DAP3: variants seen among roughly 807,000 people sequenced by gnomAD.
The protein encoded by DAP3 is death associated protein 3, also known as small ribosomal subunit protein mS29.
Under a neutral mutation model 51.9 loss-of-function variants are expected in DAP3, and 28 were observed. The observed-to-expected ratio is 0.54, with a 90% CI of 0.40 to 0.74. DAP3 has a LOEUF of 0.74. DAP3 is among the 30% of genes least tolerant of loss of function. The pLI, the probability that DAP3 is intolerant of heterozygous loss-of-function variation, is 0.00. For synonymous variants in DAP3, 170 were observed against 170.3 expected, an observed-to-expected ratio of 1.00 and a Z score of 0.01; for missense variants, 458 against 483.5, an observed-to-expected ratio of 0.95 and a Z score of 0.49.
Position 155,736,960 on chromosome 1 carries a change from C to G in DAP3, c.1008C>G (p.Ala336=). Reference sequence around the variant, plus strand: ...TTCTTCCCCAGGAAGGATTTGATGCCCTGGATCCCTTTATTCCCATCCTGG... The same window carrying G: ...TTCTTCCCCAGGAAGGATTTGATGCGCTGGATCCCTTTATTCCCATCCTGG... ...QELLGKEGFD[A]LDPFIPILVS... Residue 336 remains alanine (A), a synonymous_variant, in exon 12 of 13, where the codon GCC becomes GCG. Transcript: ENST00000368336. The G allele has an allele frequency of 6.2e-7, 1 of 1,613,634 alleles. No homozygotes were observed. The highest frequency in any genetic ancestry group is 8.5e-7 in the Non-Finnish European group (1 of 1,179,616).
intron 10 of DAP3, 121 bp from the exon 11 acceptor site, chr1:155,731,823 G>A: frequency 1.0e-6 from 1 of 982,234 alleles, no homozygotes; most frequent in South Asian, 1.8e-5. Flanking sequence ...ATTTAACTGT[G>A]CTAGACCACA....
intron 1 of DAP3, 94 bp from the exon 2 acceptor site, chr1:155,709,679 A>G: frequency 9.9e-7 from 1 of 1,005,126 alleles, no homozygotes; most frequent in Non-Finnish European, 1.5e-6. Context: ...AATATAGATT[A>G]TTAATCCCTA....
intron 2 of DAP3, among the ~76,000 whole-genome samples, chr1:155,714,902 C>G (rs1220299018): frequency 1.3e-5 from 2 of 151,750 alleles, no homozygotes; most frequent in Non-Finnish European, 1.5e-5. Flanking sequence ...ATTTTCTGCA[C>G]TCAAAAAGCT....
intron 12 of DAP3, among the ~76,000 whole-genome samples, chr1:155,737,393 T>G (rs1659916842): frequency 6.6e-6 from 1 of 152,206 alleles, no homozygotes; most frequent in African/African-American, 2.4e-5. Context: ...CTGGAGAGAC[T>G]CATGCTGGGA....
intron 3 of DAP3, among the ~76,000 whole-genome samples, chr1:155,718,073 A>G (rs1657529887): frequency 6.6e-6 from 1 of 152,206 alleles, no homozygotes; most frequent in Non-Finnish European, 1.5e-5. Context: ...TGATCTCAGC[A>G]GGGTGTGTTT....
intron 4 of DAP3, 148 bp downstream of exon 4, chr1:155,721,766 G>T (rs1658052251): frequency 2.9e-6 from 2 of 681,626 alleles, no homozygotes; most frequent in Non-Finnish European, 5.1e-6. Flanking sequence ...TTTGTGACTA[G>T]TACAATTACT....
Position 155,703,739 on chromosome 1 carries a change from G to A in DAP3, c.-7-6034G>A, listed in dbSNP as rs139233176. 2.1e-3 allele frequency among the ~76,000 whole-genome samples: 315 copies of A among 152,254 alleles called. 1 individual carries two copies. The highest frequency in any genetic ancestry group is 6.5e-3 in the African/African-American group (271 of 41,546). ...TTTTTAGTAGAGATGGGGTTTCACC[G>A]TGTTAGCCAGGATGGTCTCGATCTT... is the stretch of plus-strand genomic sequence containing the variant. On this transcript the variant is annotated intron_variant, in intron 1 of 12. Transcript: ENST00000368336.
At chr1:155,718,459 C>T (rs572489361) in intron 3 of DAP3, among the ~76,000 whole-genome samples, 11 of 151,710 alleles carry the variant, frequency 7.3e-5, no homozygotes, top group African/African-American at 1.9e-4. Flanking sequence ...CCAAGGCAGG[C>T]GGATCATGAG....
chr1:155,703,564 G>A (rs181731490), intron 1 of DAP3, among the ~76,000 whole-genome samples: 10 of 152,314 alleles, frequency 6.6e-5, no homozygotes, highest in Non-Finnish European at 1.0e-4. Context: ...TTAAGACAGG[G>A]TCTTGCTCTG....
At chr1:155,705,693 ATTAT>A (rs889588583) in intron 1 of DAP3, among the ~76,000 whole-genome samples, 39 of 150,794 alleles carry the variant, frequency 2.6e-4, no homozygotes, top group Non-Finnish European at 4.9e-4. Flanking sequence ...ATTTTTAAAT[ATTAT>A]TTATTTATTT....
chr1:155,721,185 A>C (rs1208146821), intron 3 of DAP3, among the ~76,000 whole-genome samples: 3 of 151,444 alleles, frequency 2.0e-5, no homozygotes. Flanking sequence ...GAAATACAAA[A>C]ATTAGCCGGG....
chr1:155,691,213 A>G (rs545161780), intron 1 of DAP3, among the ~76,000 whole-genome samples: 14 of 141,896 alleles, frequency 9.9e-5, no homozygotes, highest in Non-Finnish European at 1.8e-4. Flanking sequence ...AGCCTCCACT[A>G]TCGAACTTTA....
intron 1 of DAP3, among the ~76,000 whole-genome samples, chr1:155,692,521 G>A (rs76843907): frequency 1.4e-5 from 2 of 142,152 alleles, no homozygotes; most frequent in Admixed American, 1.3e-4. Context: ...TGCGATAGTT[G>A]ATTCTCTAAC....
At chr1:155,729,145 T>G (rs1658931920) in intron 8 of DAP3, 23 bp downstream of exon 8, 17 of 1,614,080 alleles carry the variant, frequency 1.1e-5, no homozygotes, top group Non-Finnish European at 1.4e-5. Context: ...ACACTGAATG[T>G]GTAACATGCG....
chr1:155,738,274 G>T lies in DAP3; in HGVS notation c.*32G>T, dbSNP rs1265892350. 6.2e-7 allele frequency: 1 copy of T among 1,612,188 alleles called. No homozygotes were observed. Among genetic ancestry groups the T allele is most frequent in the East Asian group, 2.2e-5 (1 of 44,860 alleles). On this transcript the variant is annotated 3_prime_UTR_variant, in exon 13 of 13. Coordinates refer to ENST00000368336, the MANE Select transcript of DAP3 (RefSeq NM_004632.4). ...ATCACAGCATGTGAGGAAGACAGTG[G>T]ACATCTGCTTTATGCTGGACCCAGT... is the stretch of plus-strand genomic sequence containing the variant.
intron 1 of DAP3, among the ~76,000 whole-genome samples, chr1:155,700,432 T>C (rs1180355313): frequency 6.6e-6 from 1 of 152,254 alleles, no homozygotes; most frequent in Non-Finnish European, 1.5e-5. Context: ...GTGCTTTTGA[T>C]GTTATAGTTA....
intron 4 of DAP3, 63 bp downstream of exon 4, chr1:155,721,681 G>A (rs754917347): frequency 2.5e-5 from 38 of 1,514,862 alleles, no homozygotes; most frequent in Non-Finnish European, 3.5e-5. Flanking sequence ...TAGCAAAGGG[G>A]TGGGGCTAAA....
At chr1:155,732,233 C>CTTTT (rs202209826) in intron 11 of DAP3, 200 bp downstream of exon 11, 36 of 276,126 alleles carry the variant, frequency 1.3e-4, no homozygotes, top group East Asian at 3.4e-4. Flanking sequence ...AGTTTCTTTT[C>CTTTT]TTTTTTTTTT....
chr1:155,702,401 A>T (rs531191548), intron 1 of DAP3, among the ~76,000 whole-genome samples: 5 of 151,784 alleles, frequency 3.3e-5, no homozygotes, highest in Middle Eastern at 3.4e-3. Flanking sequence ...TGAACCCGGG[A>T]GGCAGAGGTT....
Sources: gnomAD v4.1 joint callset for allele counts (sites outside exome capture counted in the v4.1 genomes callset) on GRCh38, gnomAD v4.1.1 for gene constraint, MANE v1.5 for transcripts, NCBI Gene and HGNC (gene_info 2026-07-23, HGNC 2026-07-21) for gene names.